The following SMOC2 variants were observed in gnomAD, a reference collection of about 807,000 sequenced individuals.
SMOC2 encodes SPARC related modular calcium binding 2, also known as SPARC-related modular calcium-binding protein 2.
SMOC2 carries 39 observed loss-of-function variants against 61.4 expected under a neutral mutation model. That is an observed-to-expected ratio of 0.64 (90% CI 0.49 to 0.83). The LOEUF (loss-of-function observed/expected upper bound fraction) is 0.83, where lower values mean the gene tolerates loss of function less well. Ranked by LOEUF, SMOC2 falls within the 40% of genes least tolerant of loss-of-function variation. The probability of loss-of-function intolerance (pLI) is 0.00; values close to 1 mark genes in which losing one functional copy is unlikely to be tolerated. For missense variants in SMOC2, 556 were observed against 592.9 expected (o/e 0.94, Z 0.65); for synonymous variants, 247 against 239.9 (o/e 1.03, Z -0.27).
intron 12 of SMOC2, among the ~76,000 whole-genome samples, chr6:168,665,724 G>C (rs1787646854): frequency 6.6e-6 from 1 of 152,220 alleles, no homozygotes; most frequent in South Asian, 2.1e-4. Context: ...TAAACCTCAA[G>C]TTTAGTGTAG....
At chr6:168,645,840 G>A (rs76387531) in intron 9 of SMOC2, among the ~76,000 whole-genome samples, 1 of 152,178 alleles carries the variant, frequency 6.6e-6, no homozygotes, top group Admixed American at 6.5e-5. Context: ...CATTCCCGGG[G>A]TCCCTGGCTG....
chr6:168,478,020 CA>C (rs1293046274), intron 1 of SMOC2, among the ~76,000 whole-genome samples: 1 of 152,144 alleles, frequency 6.6e-6, no homozygotes, highest in African/African-American at 2.4e-5. Flanking sequence ...GTACCCCGAG[CA>C]TGTAGGATAT....
intron 2 of SMOC2, among the ~76,000 whole-genome samples, chr6:168,515,991 T>G (rs1473172408): frequency 2.0e-5 from 3 of 152,228 alleles, no homozygotes; most frequent in Non-Finnish European, 4.4e-5. Context: ...GAGTGGGCGC[T>G]GGCTAGTGTA....
At chr6:168,599,632 A>C (rs1252828863) in intron 8 of SMOC2, among the ~76,000 whole-genome samples, 96 of 30,060 alleles carry the variant, frequency 3.2e-3, no homozygotes, top group African/African-American at 0.01. Context: ...TACCACACAC[A>C]CCCACACCCA....
rs372056326 is a variant in SMOC2, at chr6:168,505,118, G to A, written c.85-4797G>A. Reference sequence around the variant, plus strand: ...TGAATGAAATGTCTGCCTCTCAGATGCCAGATGAATGACTGAATGAAATGT... The same window carrying A: ...TGAATGAAATGTCTGCCTCTCAGATACCAGATGAATGACTGAATGAAATGT... On this transcript the variant is annotated intron_variant, in intron 1 of 12. Coordinates refer to ENST00000356284, the MANE Select transcript of SMOC2 (RefSeq NM_001166412.2). Among the ~76,000 whole-genome samples the A allele has an allele frequency of 2.7e-5, 4 of 150,232 alleles. 1 individual carries two copies.
intron 7 of SMOC2, among the ~76,000 whole-genome samples, chr6:168,558,095 G>T (rs545128343): frequency 6.6e-6 from 1 of 152,344 alleles, no homozygotes; most frequent in East Asian, 1.9e-4. Flanking sequence ...GCAAGGGACT[G>T]GCTTCAGAAG....
intron 9 of SMOC2, among the ~76,000 whole-genome samples, chr6:168,624,754 C>A (rs1786349587): frequency 6.7e-6 from 1 of 149,228 alleles, no homozygotes; most frequent in African/African-American, 2.4e-5. Flanking sequence ...CACACACACT[C>A]ACAGACACAT....
chr6:168,461,386 A>G lies in SMOC2; in HGVS notation c.84+19932A>G, dbSNP rs139105370. Among the ~76,000 whole-genome samples, 221 of 152,212 alleles carry G rather than the reference A, an allele frequency of 1.5e-3. 1 individual carries two copies. The highest frequency in any genetic ancestry group is 5.2e-3 in the African/African-American group (215 of 41,534). The stretch of plus-strand genomic sequence containing the variant: ...TAAAAGTGTAAGAAAAATTTACTTC[A>G]TTTTTCAATGGTGTTGGGTACACTC... On this transcript the variant is annotated intron_variant, in intron 1 of 12. Transcript: ENST00000356284.
At chr6:168,571,872 C>G (rs1784676157) in intron 7 of SMOC2, among the ~76,000 whole-genome samples, 1 of 130,008 alleles carries the variant, frequency 7.7e-6, no homozygotes. Context: ...TTCCTCCCCG[C>G]ATCCCCGGGT....
chr6:168,532,348 C>T (rs1224982950), intron 4 of SMOC2, among the ~76,000 whole-genome samples: 5 of 152,116 alleles, frequency 3.3e-5, no homozygotes, highest in East Asian at 1.9e-4. Flanking sequence ...GCCAGCTCCA[C>T]GTGTCTCCTG....
At chr6:168,599,817 A>C (rs1442238232) in intron 8 of SMOC2, among the ~76,000 whole-genome samples, 2 of 30,196 alleles carry the variant, frequency 6.6e-5, no homozygotes, top group African/African-American at 1.2e-4. Flanking sequence ...CACCCCACAC[A>C]CACACACACA....
chr6:168,611,981 G>A (rs1482554661), intron 9 of SMOC2, among the ~76,000 whole-genome samples: 4 of 152,178 alleles, frequency 2.6e-5, no homozygotes, highest in African/African-American at 7.2e-5. Context: ...TGGGGAGGTG[G>A]AGACTGCACC....
rs1343797369 is a variant in SMOC2 at position 168,544,680 on chromosome 6, A to G, written c.511+1008A>G. Among the ~76,000 whole-genome samples, 2 of 152,234 alleles carry G rather than the reference A, an allele frequency of 1.3e-5. No homozygotes were observed. Among genetic ancestry groups the G allele is most frequent in the Non-Finnish European group, 2.9e-5 (2 of 68,046 alleles). The stretch of plus-strand genomic sequence containing the variant: ...AGAGTGAGATTCTGTCTCAAAAACA[A>G]AAACAAAATAATAAAAATAAAAATC... On this transcript the variant is annotated intron_variant, in intron 5 of 12. Transcript: ENST00000356284. This position sits in a 1 kb window ranked among gnomAD's most constrained non-coding sequence, Gnocchi z 4.1.
intron 4 of SMOC2, among the ~76,000 whole-genome samples, chr6:168,528,267 GTTTT>G (rs60113269): frequency 7.3e-6 from 1 of 136,572 alleles, no homozygotes; most frequent in Admixed American, 7.4e-5. Context: ...TCCCATTAGT[GTTTT>G]TTTTTTTTTT....
intron 9 of SMOC2, among the ~76,000 whole-genome samples, chr6:168,639,953 C>T (rs924223574): frequency 4.7e-4 from 72 of 152,046 alleles, no homozygotes; most frequent in African/African-American, 1.6e-3. Context: ...TGAGGAGCTA[C>T]GGGTGTGGGC....
intron 9 of SMOC2, among the ~76,000 whole-genome samples, chr6:168,616,976 G>A (rs58209084): frequency 0.26 from 39,189 of 152,110 alleles, 5,177 homozygotes; most frequent in Non-Finnish European, 0.27. Flanking sequence ...TTCACTCAGC[G>A]CTTGCCTTTT....
intron 1 of SMOC2, among the ~76,000 whole-genome samples, chr6:168,472,499 T>A (rs918872827): frequency 6.6e-6 from 1 of 152,164 alleles, no homozygotes; most frequent in African/African-American, 2.4e-5. Context: ...CAAAAAAAGT[T>A]TTTTTAAAAG....
chr6:168,479,923 A>C (rs994530983), intron 1 of SMOC2, among the ~76,000 whole-genome samples: 3 of 152,130 alleles, frequency 2.0e-5, no homozygotes, highest in African/African-American at 7.2e-5. Flanking sequence ...TGGAAGCCAG[A>C]CATTAAAGAC....
chr6:168,566,957 G>A (rs1004914628), intron 7 of SMOC2, among the ~76,000 whole-genome samples: 4 of 152,148 alleles, frequency 2.6e-5, no homozygotes, highest in Non-Finnish European at 2.9e-5. Flanking sequence ...AGACAGGCCC[G>A]CTATCCTTAT....
Sources: allele counts gnomAD v4.1 joint callset (sites outside exome capture counted in the v4.1 genomes callset), GRCh38; gene constraint gnomAD v4.1.1; non-coding constraint Gnocchi (gnomAD v3.1); transcripts MANE v1.5; gene names NCBI Gene and HGNC (gene_info 2026-07-23, HGNC 2026-07-21).